STAU2: variants seen among roughly 807,000 people sequenced by gnomAD.
The protein encoded by STAU2 is double-stranded RNA-binding protein Staufen homolog 2.
Under a neutral mutation model 65.9 loss-of-function variants are expected in STAU2, and 20 were observed. The observed-to-expected ratio is 0.30, with a 90% confidence interval of 0.21 to 0.44. STAU2 has a LOEUF of 0.44. Among genes scored for constraint, STAU2 ranks in the 20% least tolerant of loss-of-function variants. STAU2 has a pLI of 1.00. For missense variants in STAU2, 558 were observed against 683.9 expected, an observed-to-expected ratio of 0.82 and a Z score of 2.05; for synonymous variants, 232 against 233.9, an observed-to-expected ratio of 0.99 and a Z score of 0.07.
At chr8:73,662,637 G>C (rs372776590) in intron 6 of STAU2, among the ~76,000 whole-genome samples, 2 of 109,836 alleles carry the variant, frequency 1.8e-5, no homozygotes, top group Admixed American at 8.5e-5. Flanking sequence ...TTGTTTTTGA[G>C]ACAGAGTTTC....
At chr8:73,454,677 A>G (rs531382681) in intron 13 of STAU2, among the ~76,000 whole-genome samples, 6 of 152,344 alleles carry the variant, frequency 3.9e-5, no homozygotes, top group African/African-American at 1.4e-4. Context: ...GACATCTTCC[A>G]TTTGAATGGC....
At chr8:73,536,637 A>G (rs994657811) in intron 13 of STAU2, among the ~76,000 whole-genome samples, 16 of 152,034 alleles carry the variant, frequency 1.1e-4, no homozygotes, top group African/African-American at 3.9e-4. Context: ...ACCTATACCT[A>G]GTGATGATGG....
intron 13 of STAU2, among the ~76,000 whole-genome samples, chr8:73,456,823 C>G (rs530659568): frequency 3.4e-4 from 52 of 152,270 alleles, no homozygotes; most frequent in African/African-American, 1.1e-3. Context: ...AACAAGGAAA[C>G]AGTACAGGGG....
rs1452489505 is a variant in STAU2, at chr8:73,421,446, C to A, written c.1639G>T (p.Glu547Ter). The A allele has an allele frequency of 6.5e-7, 1 of 1,537,182 alleles. No homozygotes were observed. Among genetic ancestry groups the A allele is most frequent in the Non-Finnish European group, 8.7e-7 (1 of 1,146,930 alleles). The change falls in exon 15 of 15, where the codon GAG becomes TAG. Residue 547 changes from glutamate to a stop codon, truncating the protein, a stop_gained. Transcript: ENST00000524300. LOFTEE classifies it high-confidence loss of function. The part of the protein sequence containing the change: ...SLEKQAKHLR[E>*]KADNNQAPPG... ...GGTGCCTGGTTATTGTCCGCTTTCT[C>A]TCTCAGATGCTTGGCTTGTCTGAAA...
At chr8:73,465,946 C>T (rs1237107100) in intron 13 of STAU2, among the ~76,000 whole-genome samples, 4 of 152,220 alleles carry the variant, frequency 2.6e-5, no homozygotes, top group Admixed American at 1.3e-4. Context: ...CTCCCGAGTA[C>T]CTGGGATTAC....
intron 13 of STAU2, among the ~76,000 whole-genome samples, chr8:73,448,506 C>A (rs1818604909): frequency 6.6e-6 from 1 of 152,158 alleles, no homozygotes; most frequent in Non-Finnish European, 1.5e-5. Flanking sequence ...TGTTCTAGAA[C>A]TCCTGAGTTC....
At chr8:73,713,289 T>C (rs1821022946) in intron 3 of STAU2, among the ~76,000 whole-genome samples, 1 of 152,216 alleles carries the variant, frequency 6.6e-6, no homozygotes, top group Admixed American at 6.5e-5. Flanking sequence ...ATCTTCATTT[T>C]GCCTGTTCAT....
At chr8:73,739,001 G>A (rs1467535381) in intron 2 of STAU2, among the ~76,000 whole-genome samples, 1 of 152,148 alleles carries the variant, frequency 6.6e-6, no homozygotes, top group African/African-American at 2.4e-5. Flanking sequence ...GGAGGCCAAG[G>A]TGGGTGGATC....
At chr8:73,606,053 A>G (rs963388496) in intron 9 of STAU2, among the ~76,000 whole-genome samples, 3 of 152,090 alleles carry the variant, frequency 2.0e-5, no homozygotes, top group Non-Finnish European at 4.4e-5. Flanking sequence ...GCCAAACCTC[A>G]TAACATTTAT....
At chr8:73,673,970 C>T (rs558212921) in intron 5 of STAU2, among the ~76,000 whole-genome samples, 39 of 151,728 alleles carry the variant, frequency 2.6e-4, no homozygotes, top group Middle Eastern at 3.4e-3. Flanking sequence ...TAATATACCT[C>T]GGAGGTTATA....
intron 12 of STAU2, among the ~76,000 whole-genome samples, chr8:73,581,822 G>A (rs10097718): frequency 0.035 from 5,273 of 152,192 alleles, 189 homozygotes; most frequent in East Asian, 0.089. Flanking sequence ...CAATTCTTAT[G>A]AGCATACTTT....
chr8:73,529,137 A>G (rs1020909146), intron 13 of STAU2, among the ~76,000 whole-genome samples: 2 of 152,192 alleles, frequency 1.3e-5, no homozygotes, highest in Non-Finnish European at 2.9e-5. Context: ...CCTTGGGGAA[A>G]AAGGTTTGAC....
chr8:73,427,339 T>A (rs1816900982), intron 13 of STAU2, among the ~76,000 whole-genome samples: 1 of 152,166 alleles, frequency 6.6e-6, no homozygotes, highest in Non-Finnish European at 1.5e-5. Flanking sequence ...TCAGAACCAT[T>A]TTGTGGGTCA....
In STAU2 at chr8:73,739,882, T is replaced by C; in HGVS notation, c.-196-14A>G. 1 of 917,554 alleles carries C rather than the reference T, an allele frequency of 1.1e-6. No individual in the cohort carries two copies. The highest frequency in any genetic ancestry group is 1.7e-6 in the Non-Finnish European group (1 of 586,106). 56.8% of individuals were successfully genotyped at this position (917,554 alleles called of 1,614,324 possible). ...GGTAGGCAGCCTCTAACAAATAGAA[T>C]ATAGCAGAAATAATGAGATACCACT... On this transcript the variant is annotated splice_polypyrimidine_tract_variant and intron_variant, in intron 1 of 14. Coordinates refer to ENST00000524300, the MANE Select transcript of STAU2 (RefSeq NM_001164380.2).
chr8:73,477,071 A>G (rs916621764), intron 13 of STAU2, among the ~76,000 whole-genome samples: 1 of 152,222 alleles, frequency 6.6e-6, no homozygotes, highest in African/African-American at 2.4e-5. Flanking sequence ...GTGACACTGA[A>G]GAACTGGAAG....
chr8:73,713,400 A>G (rs553322949), intron 3 of STAU2, among the ~76,000 whole-genome samples: 27 of 152,288 alleles, frequency 1.8e-4, no homozygotes, highest in African/African-American at 6.3e-4. Context: ...TCTGTCCCCA[A>G]AGGAGTTCAC....
Position 73,584,419 on chromosome 8 carries a change from A to AGT in STAU2, c.1162-1591_1162-1590dup, listed in dbSNP as rs367582150. ...TAAAAGTGGGGTTGCTAATGCGCTA[A>AGT]GTGTTTTGCATAAATATGGATTATC... On this transcript the variant is annotated intron_variant, in intron 11 of 14. Coordinates refer to ENST00000524300, the MANE Select transcript of STAU2 (RefSeq NM_001164380.2). 3.6e-3 allele frequency among the ~76,000 whole-genome samples: 543 copies of AGT among 152,346 alleles called. 4 individuals carry two copies. The highest frequency in any genetic ancestry group is 0.011 in the African/African-American group (463 of 41,586).
At chr8:73,611,288 G>T (rs1486044057) in intron 9 of STAU2, among the ~76,000 whole-genome samples, 2 of 152,262 alleles carry the variant, frequency 1.3e-5, no homozygotes, top group East Asian at 1.9e-4. Context: ...ATTTCAGAGG[G>T]TATCTACAAG....
intron 13 of STAU2, among the ~76,000 whole-genome samples, chr8:73,513,752 G>A (rs568298596): frequency 6.6e-6 from 1 of 152,180 alleles, no homozygotes; most frequent in African/African-American, 2.4e-5. Flanking sequence ...GTCTCTTACC[G>A]AGATGTCTAC....
Sources: gnomAD v4.1 joint callset for allele counts (sites outside exome capture counted in the v4.1 genomes callset) on GRCh38, gnomAD v4.1.1 for gene constraint, MANE v1.5 for transcripts, NCBI Gene and HGNC (gene_info 2026-07-23, HGNC 2026-07-21) for gene names.